SEMA3C: variants seen among roughly 807,000 people sequenced by gnomAD.
The protein encoded by SEMA3C is semaphorin-3C.
Under a neutral mutation model 89.4 loss-of-function variants are expected in SEMA3C, and 47 were observed. That is an observed-to-expected ratio of 0.53 (90% confidence interval 0.42 to 0.67). SEMA3C has a LOEUF of 0.67. Ranked by LOEUF, SEMA3C falls within the 30% of genes least tolerant of loss-of-function variation. The pLI is 0.00. For missense variants in SEMA3C, 839 were observed against 929.1 expected (o/e 0.90, Z 1.26); for synonymous variants, 310 against 320.2 (o/e 0.97, Z 0.34).
chr7:80,871,147 T>C (rs1345791613), intron 2 of SEMA3C, among the ~76,000 whole-genome samples: 1 of 152,210 alleles, frequency 6.6e-6, no homozygotes, highest in African/African-American at 2.4e-5. Flanking sequence ...TATGTATTTA[T>C]AGTTGTAAGA....
chr7:80,812,470 A>T (rs537336303), intron 5 of SEMA3C, among the ~76,000 whole-genome samples: 2 of 152,294 alleles, frequency 1.3e-5, no homozygotes, highest in South Asian at 4.1e-4. Flanking sequence ...GAAGAAAAAC[A>T]AACAACAAAA....
At chr7:80,893,598 A>G (rs1010782894) in intron 2 of SEMA3C, among the ~76,000 whole-genome samples, 3 of 152,298 alleles carry the variant, frequency 2.0e-5, no homozygotes, top group Non-Finnish European at 2.9e-5. Context: ...TCGATACAAA[A>G]GACAATGCCT....
chr7:80,837,395 C>G (rs574627970), intron 2 of SEMA3C, among the ~76,000 whole-genome samples: 3 of 152,044 alleles, frequency 2.0e-5, no homozygotes, highest in African/African-American at 7.2e-5. Flanking sequence ...TAGAGTGATG[C>G]GAAAATAATA....
intron 2 of SEMA3C, among the ~76,000 whole-genome samples, chr7:80,878,310 G>A (rs779767413): frequency 6.6e-5 from 10 of 152,112 alleles, no homozygotes; most frequent in East Asian, 1.9e-4. Context: ...CCTGGGAGGC[G>A]GAGGTTGCGG....
chr7:80,880,819 G>C (rs1483894639), intron 2 of SEMA3C, among the ~76,000 whole-genome samples: 3 of 152,120 alleles, frequency 2.0e-5, no homozygotes, highest in Admixed American at 6.5e-5. Context: ...CAGCTACTCA[G>C]GAGGCTGAGA....
chr7:80,863,659 A>G (rs1258011475), intron 2 of SEMA3C, among the ~76,000 whole-genome samples: 2 of 146,982 alleles, frequency 1.4e-5, no homozygotes, highest in African/African-American at 5.2e-5. Context: ...TATATATATC[A>G]CATATATATA....
At chr7:80,844,696 G>A (rs1421913260) in intron 2 of SEMA3C, among the ~76,000 whole-genome samples, 1 of 152,044 alleles carries the variant, frequency 6.6e-6, no homozygotes, top group Non-Finnish European at 1.5e-5. Flanking sequence ...TCTTTCTCAA[G>A]GTCACACAAG....
intron 12 of SEMA3C, among the ~76,000 whole-genome samples, chr7:80,784,120 C>T (rs1788749112): frequency 6.6e-6 from 1 of 151,996 alleles, no homozygotes; most frequent in Non-Finnish European, 1.5e-5. Flanking sequence ...ACTCCAGAAG[C>T]AAAAGGAAAA....
At chr7:80,913,119 G>T (rs1792190888) in intron 2 of SEMA3C, among the ~76,000 whole-genome samples, 1 of 152,110 alleles carries the variant, frequency 6.6e-6, no homozygotes, top group African/African-American at 2.4e-5. Context: ...AATAAAACAG[G>T]GCCAGGCGCA....
intron 2 of SEMA3C, among the ~76,000 whole-genome samples, chr7:80,909,159 T>A (rs1792087248): frequency 6.6e-6 from 1 of 152,158 alleles, no homozygotes. Flanking sequence ...TAATTCTATC[T>A]GTAGAAAGTC....
chr7:80,827,392 GTTTTTTTTT>G lies in SEMA3C; in HGVS notation c.327+24_327+32del, dbSNP rs36066966. On this transcript the variant is annotated intron_variant, in intron 4 of 17. Transcript: ENST00000265361. ...TCGAAAACCAAATATTTAAGTTAGT[GTTTTTTTTT>G]TTTTTTTTTTTTTTAACACTTACTG... 34 of 1,234,290 alleles carry G rather than the reference GTTTTTTTTT, an allele frequency of 2.8e-5. No homozygotes were observed. The South Asian group carries it at 2.9e-4, about 10-fold the overall frequency. 76.5% of individuals were successfully genotyped at this position (1,234,290 alleles called of 1,614,324 possible).
intron 15 of SEMA3C, among the ~76,000 whole-genome samples, chr7:80,755,389 A>G (rs1788042408): frequency 6.8e-6 from 1 of 147,500 alleles, no homozygotes; most frequent in Admixed American, 6.9e-5. Context: ...TCTAGTATGC[A>G]ATGACAGTCT....
intron 2 of SEMA3C, among the ~76,000 whole-genome samples, chr7:80,873,109 A>C (rs1217903973): frequency 1.3e-5 from 2 of 152,042 alleles, no homozygotes; most frequent in African/African-American, 4.8e-5. Flanking sequence ...AGCTGAGTTC[A>C]GAAGAGTTGG....
In SEMA3C at chr7:80,881,042, C is replaced by T. The variant is rs557720740; in HGVS notation, c.103+35637G>A. Among the ~76,000 whole-genome samples, 23 of 152,114 alleles carry T rather than the reference C, an allele frequency of 1.5e-4. No homozygotes were observed. The South Asian group carries it at 4.6e-3, about 30-fold the overall frequency. ...CATCACAATTATTCTTATAAAATTACAATTCTGATGATAATCTACTGAAGT... is the reference window on the plus strand; with the variant it reads ...CATCACAATTATTCTTATAAAATTATAATTCTGATGATAATCTACTGAAGT... On this transcript the variant is annotated intron_variant, in intron 2 of 17. Coordinates refer to ENST00000265361, the MANE Select transcript of SEMA3C (RefSeq NM_006379.5).
intron 2 of SEMA3C, among the ~76,000 whole-genome samples, chr7:80,894,207 G>A (rs925921135): frequency 6.6e-6 from 1 of 152,102 alleles, no homozygotes; most frequent in Admixed American, 6.5e-5. Flanking sequence ...GCATAAGAAA[G>A]TAGAGTATAC....
intron 2 of SEMA3C, among the ~76,000 whole-genome samples, chr7:80,871,367 T>C (rs1207393106): frequency 6.6e-6 from 1 of 152,216 alleles, no homozygotes; most frequent in Non-Finnish European, 1.5e-5. Context: ...CTGCATGATC[T>C]GTTTCATATT....
At chr7:80,834,230 C>A (rs1009261620) in intron 2 of SEMA3C, among the ~76,000 whole-genome samples, 1 of 152,070 alleles carries the variant, frequency 6.6e-6, no homozygotes. Flanking sequence ...TTGTTTTCTA[C>A]AATCTACATT....
chr7:80,865,680 A>G (rs1294616612), intron 2 of SEMA3C, among the ~76,000 whole-genome samples: 1 of 152,118 alleles, frequency 6.6e-6, no homozygotes, highest in East Asian at 1.9e-4. Context: ...CTGTAATATC[A>G]GCTATTCGGG....
intron 13 of SEMA3C, among the ~76,000 whole-genome samples, chr7:80,762,035 G>A (rs1370773615): frequency 6.9e-6 from 1 of 145,090 alleles, no homozygotes; most frequent in Non-Finnish European, 1.5e-5. Context: ...GTTGTAGTGA[G>A]CCGAGATTGC....
Sources: gnomAD v4.1 joint callset for allele counts (sites outside exome capture counted in the v4.1 genomes callset) on GRCh38, gnomAD v4.1.1 for gene constraint, MANE v1.5 for transcripts, NCBI Gene and HGNC (gene_info 2026-07-23, HGNC 2026-07-21) for gene names.